Variants in SI observed in about 807,000 individuals in gnomAD.
SI encodes the protein sucrase-isomaltase, intestinal.
Under a neutral mutation model 253.3 loss-of-function variants are expected in SI, and 235 were observed. That is an observed-to-expected ratio of 0.93 (90% confidence interval 0.83 to 1.03). The LOEUF (loss-of-function observed/expected upper bound fraction) is 1.03, where lower values mean the gene tolerates loss of function less well. Among genes scored for constraint, SI ranks in the 50% least tolerant of loss-of-function variants. The pLI is 0.00. For synonymous variants in SI, 819 were observed against 712.0 expected, an observed-to-expected ratio of 1.15 and a Z score of -2.39; for missense variants, 2,442 against 2,211.1, an observed-to-expected ratio of 1.10 and a Z score of -2.09.
intron 5 of SI, among the ~76,000 whole-genome samples, chr3:165,068,287 C>T (rs1200753584): frequency 6.6e-6 from 1 of 152,058 alleles, no homozygotes; most frequent in Non-Finnish European, 1.5e-5. Flanking sequence ...TATTTAAAGC[C>T]TCCAAAAATA....
intron 34 of SI, among the ~76,000 whole-genome samples, chr3:165,010,846 A>C (rs925711408): frequency 6.6e-6 from 1 of 152,198 alleles, no homozygotes; most frequent in East Asian, 1.9e-4. Flanking sequence ...TCCAACACCT[A>C]TATAAAAATC....
chr3:165,039,106 G>A lies in SI; in HGVS notation c.2273C>T (p.Pro758Leu). ...TTCATAATCATACCAAATAGCATCA[G>A]GGATGTAGGCACTCACAGTATCTGC... ...QGADTVSAYI[P>L]DAIWYDYESG... The change falls in exon 20 of 48, where the codon CCT becomes CTT. Residue 758 changes from proline (P) to leucine (L), a missense_variant. Transcript: ENST00000264382. The A allele has an allele frequency of 6.3e-7, 1 of 1,594,882 alleles. No individual in the cohort carries two copies. The highest frequency in any genetic ancestry group is 1.1e-5 in the South Asian group (1 of 90,378).
intron 27 of SI, among the ~76,000 whole-genome samples, chr3:165,020,813 A>AC (rs1711558416): frequency 6.6e-6 from 1 of 151,858 alleles, no homozygotes; most frequent in South Asian, 2.1e-4. Flanking sequence ...TATTTTCACT[A>AC]ATACCTGGCA....
At chr3:165,009,105 A>G (rs984570638) in intron 35 of SI, among the ~76,000 whole-genome samples, 174 bp downstream of exon 35, 1 of 152,156 alleles carries the variant, frequency 6.6e-6, no homozygotes, top group Non-Finnish European at 1.5e-5. Context: ...ACATAAATTT[A>G]GTTTTTAACA....
At chr3:164,995,918 C>T (rs75982521) in intron 40 of SI, among the ~76,000 whole-genome samples, 26,732 of 151,578 alleles carry the variant, frequency 0.18, 3,128 homozygotes, top group African/African-American at 0.33. Context: ...TGAATCTCTC[C>T]CCAAGCTTTC....
At chr3:165,020,027 T>G (rs1711516264) in intron 27 of SI, among the ~76,000 whole-genome samples, 2 of 151,778 alleles carry the variant, frequency 1.3e-5, no homozygotes, top group African/African-American at 4.8e-5. Context: ...GTACATGTTT[T>G]TCTTTAGACA....
intron 6 of SI, among the ~76,000 whole-genome samples, chr3:165,066,613 A>C (rs1231160958): frequency 6.6e-6 from 1 of 151,826 alleles, no homozygotes; most frequent in East Asian, 1.9e-4. Context: ...GGAAACCATA[A>C]TCCTACTTTC....
intron 43 of SI, among the ~76,000 whole-genome samples, chr3:164,991,916 A>C (rs1475495095): frequency 6.6e-6 from 1 of 152,080 alleles, no homozygotes; most frequent in Admixed American, 6.6e-5. Context: ...AATAAAAGAC[A>C]ATTATCTTTT....
intron 24 of SI, among the ~76,000 whole-genome samples, chr3:165,031,833 T>C (rs1712263434): frequency 6.6e-6 from 1 of 151,296 alleles, no homozygotes. Flanking sequence ...AGCAACATTA[T>C]GATTGAAATA....
rs148103255 is a variant in SI, at chr3:165,009,014, T to G, written c.4179+265A>C. Among the ~76,000 whole-genome samples the G allele has an allele frequency of 4.2e-3, 635 of 152,100 alleles. 1 individual carries two copies. Among genetic ancestry groups the G allele is most frequent in the Non-Finnish European group, 6.5e-3 (442 of 67,958 alleles). ...TATTAAATAAAAGTGAAATAAATAT[T>G]TACAAGGATTTATTAATATATAGAA... On this transcript the variant is annotated intron_variant, in intron 35 of 47. Transcript: ENST00000264382.
chr3:164,999,159 C>T (rs1009770337), intron 37 of SI, among the ~76,000 whole-genome samples: 6 of 151,670 alleles, frequency 4.0e-5, no homozygotes, highest in Non-Finnish European at 7.4e-5. Context: ...AAAGTATTCT[C>T]GGGTCTTAAA....
chr3:165,005,962 T>A (rs918087568), intron 37 of SI, among the ~76,000 whole-genome samples: 1 of 152,130 alleles, frequency 6.6e-6, no homozygotes, highest in Admixed American at 6.6e-5. Context: ...TAATAAAGAA[T>A]TGATTTTCAG....
At chr3:165,047,104 G>A (rs1713161867) in intron 15 of SI, 92 bp from the exon 16 acceptor site, 2 of 1,043,974 alleles carry the variant, frequency 1.9e-6, no homozygotes, top group African/African-American at 3.2e-5. Context: ...AAAGCCATGT[G>A]ATATAGTTTG....
intron 24 of SI, 22 bp from the exon 25 acceptor site, chr3:165,030,889 A>T: frequency 6.6e-6 from 10 of 1,522,238 alleles, no homozygotes; most frequent in Non-Finnish European, 7.9e-6. Flanking sequence ...AAAAAAAAAA[A>T]AGAAAAAAAG....
At chr3:165,062,982 T>C (rs1714056722) in intron 8 of SI, among the ~76,000 whole-genome samples, 1 of 152,128 alleles carries the variant, frequency 6.6e-6, no homozygotes, top group Non-Finnish European at 1.5e-5. Flanking sequence ...TCTTTAATTT[T>C]TTATTATCAC....
At chr3:165,075,141 G>T (rs866424434) in intron 2 of SI, among the ~76,000 whole-genome samples, 1 of 151,898 alleles carries the variant, frequency 6.6e-6, no homozygotes, top group Non-Finnish European at 1.5e-5. Flanking sequence ...CTGGAATAGC[G>T]AAGAATGGTA....
At chr3:165,055,626 TATATA>T (rs1286298839) in intron 12 of SI, among the ~76,000 whole-genome samples, 1 of 151,948 alleles carries the variant, frequency 6.6e-6, no homozygotes, top group Non-Finnish European at 1.5e-5. Flanking sequence ...ATAAATATTC[TATATA>T]ATATATTTTA....
intron 15 of SI, 130 bp from the exon 16 acceptor site, chr3:165,047,142 G>T: frequency 1.5e-6 from 1 of 676,986 alleles, no homozygotes; most frequent in Non-Finnish European, 2.5e-6. Flanking sequence ...ATCTCATCTT[G>T]AATTGTAACT....
chr3:165,044,393 A>G, intron 16 of SI, among the ~76,000 whole-genome samples: 1 of 151,988 alleles, frequency 6.6e-6, no homozygotes, highest in East Asian at 1.9e-4. Flanking sequence ...TATATAGCAC[A>G]CGAAGATTCC....
Sources: gnomAD v4.1 joint callset for allele counts (sites outside exome capture counted in the v4.1 genomes callset) on GRCh38, gnomAD v4.1.1 for gene constraint, MANE v1.5 for transcripts, NCBI Gene and HGNC (gene_info 2026-07-23, HGNC 2026-07-21) for gene names.